SLC35F3: variants seen among roughly 807,000 people sequenced by gnomAD.
SLC35F3 encodes the protein solute carrier family 35 member F3.
In SLC35F3, 25 loss-of-function variants were observed where a neutral mutation model predicts 49.9. The ratio of observed to expected loss-of-function variants is 0.50; its 90% confidence interval spans 0.37 to 0.70. The LOEUF is 0.70. SLC35F3 is among the 30% of genes least tolerant of loss of function. The probability of loss-of-function intolerance (pLI) is 0.00; values close to 1 mark genes in which losing one functional copy is unlikely to be tolerated. For synonymous variants in SLC35F3, 275 were observed against 265.4 expected, an observed-to-expected ratio of 1.04 and a Z score of -0.35; for missense variants, 525 against 639.8, an observed-to-expected ratio of 0.82 and a Z score of 1.94.
At position 234,227,143 on chromosome 1, in the gene SLC35F3, T is replaced by C. The variant is rs114558569; in HGVS notation, c.284-4274T>C. 7.1e-3 allele frequency among the ~76,000 whole-genome samples: 1,078 copies of C among 152,270 alleles called. 8 individuals are homozygous for C. Among genetic ancestry groups the C allele is most frequent in the Non-Finnish European group, 0.012 (806 of 68,024 alleles). ...ATTACAGCGTCTGTCAGCACGAGCA[T>C]TGGGCCAGAGTGTATAATCTACTTT... On this transcript the variant is annotated intron_variant, in intron 2 of 7. Coordinates refer to ENST00000366618, the MANE Select transcript of SLC35F3 (RefSeq NM_173508.4).
intron 3 of SLC35F3, among the ~76,000 whole-genome samples, chr1:234,254,969 A>G (rs1366908636): frequency 6.6e-6 from 1 of 152,254 alleles, no homozygotes; most frequent in African/African-American, 2.4e-5. Context: ...AGATATGACC[A>G]AGGTCTTTGT....
rs1402270829 is a variant in SLC35F3 at position 233,957,591 on chromosome 1, G to T, written c.283+51833G>T. 6.6e-6 allele frequency among the ~76,000 whole-genome samples: 1 copy of T among 152,248 alleles called. No individual in the cohort carries two copies. Among genetic ancestry groups the T allele is most frequent in the South Asian group, 2.1e-4 (1 of 4,820 alleles). The stretch of plus-strand genomic sequence containing the variant: ...GCACTTTGGGAGGCCGAGGCAGGTG[G>T]ATCACCTGAAGTCAGGAGTTCGAGA... On this transcript the variant is annotated intron_variant, in intron 2 of 7. Transcript: ENST00000366618. This position sits in a 1 kb window ranked among gnomAD's most constrained non-coding sequence, Gnocchi z 4.0.
At chr1:234,124,883 A>T (rs1665625052) in intron 2 of SLC35F3, among the ~76,000 whole-genome samples, 1 of 152,168 alleles carries the variant, frequency 6.6e-6, no homozygotes, top group African/African-American at 2.4e-5. Flanking sequence ...CAAGATTCAC[A>T]ATTCTGGTGA....
At chr1:234,125,425 A>G (rs1665632515) in intron 2 of SLC35F3, among the ~76,000 whole-genome samples, 2 of 152,066 alleles carry the variant, frequency 1.3e-5, no homozygotes, top group African/African-American at 4.8e-5. Context: ...TCCAAAGCAA[A>G]TCACGTGGCT....
chr1:234,055,690 G>A (rs1469036017), intron 2 of SLC35F3, among the ~76,000 whole-genome samples: 1 of 152,178 alleles, frequency 6.6e-6, no homozygotes, highest in Non-Finnish European at 1.5e-5. Flanking sequence ...GATGAACCCA[G>A]TACCACAGTT....
chr1:233,952,748 G>A (rs753801783), intron 2 of SLC35F3, among the ~76,000 whole-genome samples: 3 of 152,052 alleles, frequency 2.0e-5, no homozygotes, highest in Non-Finnish European at 4.4e-5. Context: ...TTGGCATCTG[G>A]TTTCTCTCTC....
intron 3 of SLC35F3, among the ~76,000 whole-genome samples, chr1:234,232,945 G>C (rs1201809595): frequency 6.6e-6 from 1 of 152,184 alleles, no homozygotes; most frequent in African/African-American, 2.4e-5. Context: ...TTGTAAATCA[G>C]AGCACGAATT....
chr1:234,318,404 G>A (rs1168592447), intron 5 of SLC35F3, among the ~76,000 whole-genome samples: 1 of 152,138 alleles, frequency 6.6e-6, no homozygotes, highest in Non-Finnish European at 1.5e-5. Flanking sequence ...GCTTATACAG[G>A]GTCCAGGATC....
chr1:233,927,299 T>C (rs1662175523), intron 2 of SLC35F3, among the ~76,000 whole-genome samples: 1 of 152,216 alleles, frequency 6.6e-6, no homozygotes. Flanking sequence ...TTGATCTCTG[T>C]AATTTTTGAT....
chr1:234,253,791 A>T (rs1667776294), intron 3 of SLC35F3, among the ~76,000 whole-genome samples: 1 of 152,258 alleles, frequency 6.6e-6, no homozygotes, highest in Non-Finnish European at 1.5e-5. Context: ...GGTCAAGAGC[A>T]GCCTCCAGAT....
intron 2 of SLC35F3, among the ~76,000 whole-genome samples, chr1:234,018,829 A>C (rs1663846980): frequency 6.6e-6 from 1 of 152,124 alleles, no homozygotes; most frequent in Non-Finnish European, 1.5e-5. Context: ...AAGTTCTCTA[A>C]TTTTCCTATA....
At chr1:234,049,348 C>G (rs1572032222) in intron 2 of SLC35F3, among the ~76,000 whole-genome samples, 2 of 152,060 alleles carry the variant, frequency 1.3e-5, no homozygotes, top group East Asian at 1.9e-4. Flanking sequence ...TGCTCTCTCT[C>G]TATCTCCTCT....
intron 2 of SLC35F3, among the ~76,000 whole-genome samples, chr1:233,953,521 A>G (rs922364690): frequency 7.9e-5 from 12 of 152,202 alleles, no homozygotes; most frequent in Non-Finnish European, 1.6e-4. Context: ...TGCCCTTCAA[A>G]TCACATCCCA....
intron 2 of SLC35F3, among the ~76,000 whole-genome samples, chr1:234,066,498 A>T (rs768879996): frequency 6.6e-6 from 1 of 151,950 alleles, no homozygotes; most frequent in Non-Finnish European, 1.5e-5. Context: ...CATGGTTTTT[A>T]AGCAATCCAT....
At chr1:233,977,445 C>A (rs1663109465) in intron 2 of SLC35F3, among the ~76,000 whole-genome samples, 1 of 152,152 alleles carries the variant, frequency 6.6e-6, no homozygotes, top group African/African-American at 2.4e-5. Flanking sequence ...TCTCACCTCC[C>A]AATGTGCCAG....
chr1:234,132,993 G>A (rs188678156), intron 2 of SLC35F3, among the ~76,000 whole-genome samples: 22 of 152,274 alleles, frequency 1.4e-4, no homozygotes, highest in African/African-American at 4.8e-4. Flanking sequence ...AACTATTATT[G>A]TGCCAGTTTT....
intron 2 of SLC35F3, among the ~76,000 whole-genome samples, chr1:233,975,644 G>T (rs1254374230): frequency 4.6e-5 from 7 of 152,242 alleles, no homozygotes; most frequent in Non-Finnish European, 1.0e-4. Context: ...GCGCTGCTGT[G>T]GGCAGGAGCG....
At chr1:234,078,618 C>G (rs1664832041) in intron 2 of SLC35F3, among the ~76,000 whole-genome samples, 1 of 152,184 alleles carries the variant, frequency 6.6e-6, no homozygotes, top group Non-Finnish European at 1.5e-5. Context: ...CTTTGCAGGC[C>G]CTTTCTTCTG....
At chr1:234,198,247 T>G (rs960812599) in intron 2 of SLC35F3, among the ~76,000 whole-genome samples, 12 of 152,222 alleles carry the variant, frequency 7.9e-5, no homozygotes, top group Non-Finnish European at 1.5e-4. Context: ...TGTACAGTAT[T>G]TCTTGACAAA....
Sources: allele counts gnomAD v4.1 joint callset (sites outside exome capture counted in the v4.1 genomes callset), GRCh38; gene constraint gnomAD v4.1.1; non-coding constraint Gnocchi (gnomAD v3.1); transcripts MANE v1.5; gene names NCBI Gene and HGNC (gene_info 2026-07-23, HGNC 2026-07-21).